The following CNTN4 variants were observed in gnomAD, a reference collection of about 807,000 sequenced individuals.
CNTN4 encodes the protein contactin 4.
A neutral mutation model predicts 122.5 loss-of-function variants in CNTN4; 77 were observed. The ratio of observed to expected loss-of-function variants is 0.63; its 90% CI spans 0.52 to 0.76. The LOEUF (loss-of-function observed/expected upper bound fraction) is 0.76. CNTN4 is among the 30% of genes least tolerant of loss of function. The probability of loss-of-function intolerance (pLI) is 0.00; values close to 1 mark genes in which losing one functional copy is unlikely to be tolerated. For synonymous variants in CNTN4, 512 were observed against 447.0 expected (o/e 1.15, Z -1.83); for missense variants, 1,256 against 1,259.1 (o/e 1.00, Z 0.04).
At chr3:2,412,481 G>C (rs1055705520) in intron 3 of CNTN4, among the ~76,000 whole-genome samples, 1 of 152,046 alleles carries the variant, frequency 6.6e-6, no homozygotes, top group African/African-American at 2.4e-5. Context: ...TCAAACTCCT[G>C]ACCTCAGGTG....
chr3:2,852,543 G>A lies in CNTN4; in HGVS notation c.455-14209G>A, dbSNP rs143135501. Among the ~76,000 whole-genome samples the A allele has an allele frequency of 7.1e-3, 1,075 of 152,186 alleles. 11 individuals are homozygous for A. Among genetic ancestry groups the A allele is most frequent in the Admixed American group, 0.01 (157 of 15,302 alleles). On this transcript the variant is annotated intron_variant, in intron 7 of 24. Transcript: ENST00000418658. ...ATTTATTGAGTGCTACCATGTGCTC[G>A]ACACTGTGCTGATTATAAGTAGCAA...
In CNTN4 at chr3:3,040,209, T is replaced by G; in HGVS notation, c.2336T>G (p.Val779Gly). 6.2e-7 allele frequency: 1 copy of G among 1,614,236 alleles called. No homozygotes were observed. The highest frequency in any genetic ancestry group is 8.5e-7 in the Non-Finnish European group (1 of 1,180,038). The change falls in exon 20 of 25, where the codon GTC (valine) becomes GGC (glycine). Residue 779 changes from valine to glycine, a missense_variant. Val to Gly is a moderately radical substitution (Grantham distance 109). Coordinates refer to ENST00000418658, the MANE Select transcript of CNTN4 (RefSeq NM_175607.3). ...PFSPFEVKVGVFNNKGEGPFS... is the reference protein window; with the variant it reads ...PFSPFEVKVGGFNNKGEGPFS... ...TCTCCCTTTGAGGTTAAAGTAGGTG[T>G]CTTCAACAACAAAGGAGAAGGCCCT...
At chr3:2,667,570 T>G (rs554181628) in intron 4 of CNTN4, among the ~76,000 whole-genome samples, 383 of 152,110 alleles carry the variant, frequency 2.5e-3, no homozygotes, top group African/African-American at 8.8e-3. Flanking sequence ...TAGTTTCTTT[T>G]GCTGTGCAGA....
intron 3 of CNTN4, among the ~76,000 whole-genome samples, chr3:2,435,231 G>A (rs889363994): frequency 3.9e-5 from 6 of 152,056 alleles, no homozygotes; most frequent in South Asian, 2.1e-4. Context: ...CAGTGTCTGC[G>A]AGGAATTGCT....
intron 6 of CNTN4, among the ~76,000 whole-genome samples, chr3:2,783,797 C>T (rs1337095316): frequency 6.6e-6 from 1 of 152,192 alleles, no homozygotes; most frequent in Non-Finnish European, 1.5e-5. Context: ...CATTTGATCA[C>T]TGCAGGCTAA....
At chr3:2,994,657 A>G (rs1695366137) in intron 14 of CNTN4, among the ~76,000 whole-genome samples, 1 of 151,520 alleles carries the variant, frequency 6.6e-6, no homozygotes, top group South Asian at 2.1e-4. Flanking sequence ...GAGTATCTAC[A>G]GCATTACTAT....
At position 2,745,303 on chromosome 3, in the gene CNTN4, A is replaced by T. The variant is rs547372823; in HGVS notation, c.183-219A>T. Among the ~76,000 whole-genome samples the T allele has an allele frequency of 3.0e-3, 464 of 152,306 alleles. 2 individuals carry two copies. Among genetic ancestry groups the T allele is most frequent in the African/African-American group, 0.011 (439 of 41,556 alleles). On this transcript the variant is annotated intron_variant, in intron 5 of 24. Coordinates refer to ENST00000418658, the MANE Select transcript of CNTN4 (RefSeq NM_175607.3). ...AGAACATTTTAATGATATTAAAAAAATTTTAATATCATTGTTTACTTTAAA... is the reference window on the plus strand; with the variant it reads ...AGAACATTTTAATGATATTAAAAAATTTTTAATATCATTGTTTACTTTAAA...
intron 2 of CNTN4, among the ~76,000 whole-genome samples, chr3:2,192,258 C>T (rs936347640): frequency 3.9e-5 from 6 of 152,170 alleles, no homozygotes; most frequent in African/African-American, 1.2e-4. Context: ...AATGGGATGG[C>T]TGGGTCAAAT....
At chr3:2,938,463 T>C (rs1559693033) in intron 13 of CNTN4, among the ~76,000 whole-genome samples, 1 of 152,174 alleles carries the variant, frequency 6.6e-6, no homozygotes, top group Non-Finnish European at 1.5e-5. Context: ...AAGAAAGCAA[T>C]TTATTTACCT....
intron 3 of CNTN4, among the ~76,000 whole-genome samples, chr3:2,448,389 C>G (rs1019310341): frequency 1.3e-5 from 2 of 152,142 alleles, no homozygotes; most frequent in Non-Finnish European, 2.9e-5. Flanking sequence ...GAAGATCTAT[C>G]AAGTCATTGG....
chr3:2,545,793 G>A (rs958821655), intron 3 of CNTN4, among the ~76,000 whole-genome samples: 1 of 151,928 alleles, frequency 6.6e-6, no homozygotes, highest in Non-Finnish European at 1.5e-5. Context: ...CTTGAAGACA[G>A]CATATCATTG....
chr3:2,567,628 T>G (rs970776925), intron 3 of CNTN4, among the ~76,000 whole-genome samples: 1 of 152,188 alleles, frequency 6.6e-6, no homozygotes, highest in African/African-American at 2.4e-5. Flanking sequence ...CTTTTATAGA[T>G]GGACCACACA....
intron 2 of CNTN4, among the ~76,000 whole-genome samples, chr3:2,254,794 T>A (rs1312602036): frequency 6.6e-6 from 1 of 152,192 alleles, no homozygotes; most frequent in Non-Finnish European, 1.5e-5. Flanking sequence ...TAGCCCTTTG[T>A]CAGATGGTGG....
At chr3:3,050,348 TGG>T (rs146325381) in intron 23 of CNTN4, among the ~76,000 whole-genome samples, 1,809 of 152,248 alleles carry the variant, frequency 0.012, 29 homozygotes, top group African/African-American at 0.039. Flanking sequence ...TTATGACCCA[TGG>T]GCCACTAGTT....
chr3:2,360,105 T>G (rs146300882), intron 3 of CNTN4, among the ~76,000 whole-genome samples: 1 of 152,288 alleles, frequency 6.6e-6, no homozygotes, highest in Non-Finnish European at 1.5e-5. Context: ...TTATGACTAT[T>G]TATTGTGATT....
chr3:2,829,304 G>C (rs2093052668), intron 7 of CNTN4, among the ~76,000 whole-genome samples: 1 of 152,188 alleles, frequency 6.6e-6, no homozygotes, highest in South Asian at 2.1e-4. Context: ...GAGCCACATT[G>C]ATCAGGGACT....
chr3:2,680,924 C>T (rs2085130741), intron 4 of CNTN4, among the ~76,000 whole-genome samples: 1 of 152,122 alleles, frequency 6.6e-6, no homozygotes, highest in African/African-American at 2.4e-5. Flanking sequence ...AGATGTTCTA[C>T]AGTTGTAAAT....
At chr3:2,750,988 C>T (rs2090059993) in intron 6 of CNTN4, among the ~76,000 whole-genome samples, 1 of 152,082 alleles carries the variant, frequency 6.6e-6, no homozygotes, top group Admixed American at 6.5e-5. Flanking sequence ...ATTGGTGTGG[C>T]AGGCGTTGGC....
intron 3 of CNTN4, among the ~76,000 whole-genome samples, chr3:2,435,525 T>C (rs976430617): frequency 6.6e-6 from 1 of 152,158 alleles, no homozygotes; most frequent in Non-Finnish European, 1.5e-5. Flanking sequence ...AGGCCAACTG[T>C]ATAAGCTGTA....
Sources: gnomAD v4.1 joint callset for allele counts (sites outside exome capture counted in the v4.1 genomes callset) on GRCh38, gnomAD v4.1.1 for gene constraint, MANE v1.5 for transcripts, NCBI Gene and HGNC (gene_info 2026-07-23, HGNC 2026-07-21) for gene names.